The following KCNK5 variants were observed in gnomAD, a reference collection of about 807,000 sequenced individuals.
KCNK5 encodes potassium channel subfamily K member 5.
In KCNK5, 18 loss-of-function variants were observed where a neutral mutation model predicts 32.9. The ratio of observed to expected loss-of-function variants is 0.55; its 90% CI spans 0.38 to 0.81. KCNK5 has a LOEUF of 0.81. Among genes scored for constraint, KCNK5 ranks in the 30% least tolerant of loss-of-function variants. The pLI, the probability that KCNK5 is intolerant of heterozygous loss-of-function variation, is 0.00. For missense variants in KCNK5, 507 were observed against 651.0 expected (o/e 0.78, Z 2.41); for synonymous variants, 276 against 275.3 (o/e 1.00, Z -0.03).
At position 39,191,892 on chromosome 6, in the gene KCNK5, T is replaced by C; in HGVS notation, c.635-137A>G. 1.1e-6 allele frequency: 1 copy of C among 878,098 alleles called. No individual in the cohort carries two copies. The highest frequency in any genetic ancestry group is 1.7e-6 in the Non-Finnish European group (1 of 575,528). 54.4% of individuals were successfully genotyped at this position (878,098 alleles called of 1,614,324 possible). Reference sequence around the variant, plus strand: ...GTGCAGTGGGATAGAAAGGGGCCTGTTCTAGACCCTGGACTATCCCATCTT... The same window carrying C: ...GTGCAGTGGGATAGAAAGGGGCCTGCTCTAGACCCTGGACTATCCCATCTT... On this transcript the variant is annotated intron_variant, in intron 4 of 4. Transcript: ENST00000359534. This position sits in a 1 kb window ranked among gnomAD's most constrained non-coding sequence, Gnocchi z 5.8.
Position 39,195,868 on chromosome 6 carries a change from A to G in KCNK5, c.298+8T>C, listed in dbSNP as rs1202432172. 1 of 1,607,114 alleles carries G rather than the reference A, an allele frequency of 6.2e-7. No individual in the cohort carries two copies. The highest frequency in any genetic ancestry group is 2.2e-5 in the East Asian group (1 of 44,820). ...ATGTGGGTGTCCTACAGGTCCCAGA[A>G]GACTTACCAATGGTGGTAATGACGG... On this transcript the variant is annotated splice_region_variant and intron_variant, in intron 2 of 4. Coordinates refer to ENST00000359534, the MANE Select transcript of KCNK5 (RefSeq NM_003740.4).
At chr6:39,222,563 C>G (rs1052948867) in intron 1 of KCNK5, among the ~76,000 whole-genome samples, 1 of 152,190 alleles carries the variant, frequency 6.6e-6, no homozygotes, top group African/African-American at 2.4e-5. Context: ...TCATGTGACT[C>G]TCACCTCCCT....
At chr6:39,210,808 G>A (rs1771322259) in intron 1 of KCNK5, among the ~76,000 whole-genome samples, 1 of 152,088 alleles carries the variant, frequency 6.6e-6, no homozygotes, top group Non-Finnish European at 1.5e-5. Flanking sequence ...ACAGTCCCAG[G>A]GGCTCACTCC....
chr6:39,195,105 T>C (rs930141552), intron 2 of KCNK5, among the ~76,000 whole-genome samples: 7 of 152,194 alleles, frequency 4.6e-5, no homozygotes, highest in African/African-American at 1.4e-4. Context: ...TCTCCAAAGA[T>C]AGCCATCCTC....
At chr6:39,207,482 G>A (rs1771249215) in intron 1 of KCNK5, among the ~76,000 whole-genome samples, 1 of 152,184 alleles carries the variant, frequency 6.6e-6, no homozygotes, top group Non-Finnish European at 1.5e-5. Context: ...CCAGACAGGT[G>A]CAGGCACAGT....
intron 1 of KCNK5, among the ~76,000 whole-genome samples, chr6:39,216,020 C>T (rs866819495): frequency 6.6e-6 from 1 of 152,214 alleles, no homozygotes; most frequent in Non-Finnish European, 1.5e-5. Context: ...TGGTGGCTCA[C>T]GCCTGTAATC....
At chr6:39,209,960 T>C (rs1562054901) in intron 1 of KCNK5, among the ~76,000 whole-genome samples, 2 of 152,318 alleles carry the variant, frequency 1.3e-5, no homozygotes, top group East Asian at 1.9e-4. Context: ...GGCTGGTGCA[T>C]AGGCAAGTTA....
Position 39,205,585 on chromosome 6 carries a change from T to C in KCNK5, c.187-9598A>G, listed in dbSNP as rs977934753. Among the ~76,000 whole-genome samples, 5 of 152,176 alleles carry C rather than the reference T, an allele frequency of 3.3e-5. 1 individual carries two copies. The South Asian group carries it at 1.0e-3, about 31-fold the overall frequency. ...ACACTGAGGCCTGGATTTGTGACTT[T>C]GTCCCCTTCTCTGCCCCCAGAGTTC... is the stretch of plus-strand genomic sequence containing the variant. On this transcript the variant is annotated intron_variant, in intron 1 of 4. Transcript: ENST00000359534.
intron 1 of KCNK5, among the ~76,000 whole-genome samples, chr6:39,216,534 G>A (rs1483801266): frequency 6.6e-6 from 1 of 152,168 alleles, no homozygotes; most frequent in Admixed American, 6.5e-5. Context: ...TTAGGATACG[G>A]CAGCCTCTAC....
chr6:39,194,814 C>G lies in KCNK5; in HGVS notation c.299-54G>C, dbSNP rs1771001183. The G allele has an allele frequency of 1.3e-6, 2 of 1,528,876 alleles. No individual in the cohort carries two copies. Among genetic ancestry groups the G allele is most frequent in the African/African-American group, 2.7e-5 (2 of 72,934 alleles). The allele number at this position is 1,528,876 out of a possible 1,614,324, so 94.7% of individuals were successfully genotyped here. On this transcript the variant is annotated intron_variant, in intron 2 of 4. Transcript: ENST00000359534. This position sits in a 1 kb window ranked among gnomAD's most constrained non-coding sequence, Gnocchi z 4.7. ...CAGGAGGGGTGGTCAAACCAGTGGG[C>G]CTTGCTTCCAACACACACACAGCCC... is the stretch of plus-strand genomic sequence containing the variant.
At chr6:39,214,568 G>T (rs1204454633) in intron 1 of KCNK5, among the ~76,000 whole-genome samples, 1 of 152,184 alleles carries the variant, frequency 6.6e-6, no homozygotes, top group East Asian at 1.9e-4. Flanking sequence ...AGAGAAACAC[G>T]GCTTCATGGT....
At chr6:39,218,307 G>T (rs956554448) in intron 1 of KCNK5, among the ~76,000 whole-genome samples, 13 of 152,210 alleles carry the variant, frequency 8.5e-5, no homozygotes, top group Admixed American at 4.6e-4. Context: ...CTGACCTTGT[G>T]ATCCACCCGC....
In KCNK5 at chr6:39,229,260, C is replaced by G; in HGVS notation, c.-149G>C. Reference sequence around the variant, plus strand: ...ACTCACCCCCCGCAAGCACCGCTCCCCGGACAGAGTTGCTTGGCCAAGTTG... The same window carrying G: ...ACTCACCCCCCGCAAGCACCGCTCCGCGGACAGAGTTGCTTGGCCAAGTTG... On this transcript the variant is annotated 5_prime_UTR_variant, in exon 1 of 5. Coordinates refer to ENST00000359534, the MANE Select transcript of KCNK5 (RefSeq NM_003740.4). 1 of 861,560 alleles carries G rather than the reference C, an allele frequency of 1.2e-6. No homozygotes were observed. The highest frequency in any genetic ancestry group is 2.7e-5 in the East Asian group (1 of 37,326). 53.4% of individuals were successfully genotyped at this position (861,560 alleles called of 1,614,324 possible).
chr6:39,203,122 C>T (rs1771161040), intron 1 of KCNK5, among the ~76,000 whole-genome samples: 1 of 152,168 alleles, frequency 6.6e-6, no homozygotes, highest in Non-Finnish European at 1.5e-5. Flanking sequence ...ATGTCCTGGA[C>T]AAGCAGTAGA....
At chr6:39,227,118 C>G (rs888436349) in intron 1 of KCNK5, among the ~76,000 whole-genome samples, 17 of 151,806 alleles carry the variant, frequency 1.1e-4, no homozygotes, top group Admixed American at 6.6e-4. Context: ...CCGCCCCCCC[C>G]GCCGTATGCC....
intron 1 of KCNK5, among the ~76,000 whole-genome samples, chr6:39,210,411 G>A (rs9462493): frequency 0.12 from 18,243 of 152,166 alleles, 1,184 homozygotes; most frequent in South Asian, 0.21. Context: ...ACTCCCCCTA[G>A]GGACCCCTGG....
At chr6:39,208,647 G>A (rs1771272867) in intron 1 of KCNK5, among the ~76,000 whole-genome samples, 1 of 152,226 alleles carries the variant, frequency 6.6e-6, no homozygotes, top group Non-Finnish European at 1.5e-5. Flanking sequence ...CAGACATCTT[G>A]GGATGGATGG....
intron 1 of KCNK5, among the ~76,000 whole-genome samples, chr6:39,219,191 G>C (rs946808594): frequency 5.9e-5 from 9 of 152,134 alleles, no homozygotes; most frequent in Non-Finnish European, 1.0e-4. Flanking sequence ...AAAGTTGATG[G>C]AACAAGGGAT....
chr6:39,192,927 C>T lies in KCNK5; in HGVS notation c.635-1172G>A, dbSNP rs116658700. On this transcript the variant is annotated intron_variant, in intron 4 of 4. Transcript: ENST00000359534. ...AGAGGTTCCTCCAGGTGCTGTAGCC[C>T]GGTCAGTTCTCCTCCCACGACCGGG... Among the ~76,000 whole-genome samples, 563 of 152,192 alleles carry T rather than the reference C, an allele frequency of 3.7e-3. 3 individuals are homozygous for T. Among genetic ancestry groups the T allele is most frequent in the African/African-American group, 0.013 (529 of 41,538 alleles).
Sources: gnomAD v4.1 joint callset for allele counts (sites outside exome capture counted in the v4.1 genomes callset) on GRCh38, gnomAD v4.1.1 for gene constraint, Gnocchi (gnomAD v3.1) non-coding constraint, MANE v1.5 for transcripts, NCBI Gene and HGNC (gene_info 2026-07-23, HGNC 2026-07-21) for gene names.